AGFG2: variants seen among roughly 807,000 people sequenced by gnomAD.
AGFG2 encodes ArfGAP with FG repeats 2.
In AGFG2, 31 loss-of-function variants were observed where a neutral mutation model predicts 48.0. The observed-to-expected ratio is 0.65, with a 90% CI of 0.49 to 0.87. The LOEUF (loss-of-function observed/expected upper bound fraction) is 0.87. Among genes scored for constraint, AGFG2 ranks in the 40% least tolerant of loss-of-function variants. The probability of loss-of-function intolerance (pLI) is 0.00; values close to 1 mark genes in which losing one functional copy is unlikely to be tolerated. For missense variants in AGFG2, 599 were observed against 632.6 expected (o/e 0.95, Z 0.57); for synonymous variants, 229 against 260.8 (o/e 0.88, Z 1.18).
chr7:100,548,915 G>T lies in AGFG2; in HGVS notation c.315G>T (p.Glu105Asp). The T allele has an allele frequency of 6.2e-7, 1 of 1,612,736 alleles. No homozygotes were observed. Among genetic ancestry groups the T allele is most frequent in the South Asian group, 1.1e-5 (1 of 91,048 alleles). ...TATTCCTGCAATCCCGTGGAAATGA[G>T]GTGAGCTGCCACCGATGGAGTGGTG... ...EVVFLQSRGN[E>D]VCRKIWLGLF... is the part of the protein sequence containing the mutation. The change falls in exon 2 of 12, where the codon GAG (glutamate) becomes GAT (aspartate). Residue 105 changes from glutamate (E) to aspartate (D), a missense_variant and splice_region_variant. Physicochemically the swap from Glu to Asp is conservative, Grantham distance 45. Transcript: ENST00000300176.
intron 1 of AGFG2, among the ~76,000 whole-genome samples, chr7:100,547,211 T>C (rs1800529355): frequency 1.4e-5 from 2 of 146,788 alleles, no homozygotes; most frequent in Non-Finnish European, 3.0e-5. Flanking sequence ...GCTGCTGTTC[T>C]CCCAGACTTG....
rs1422549146 is a variant in AGFG2 at position 100,567,078 on chromosome 7, T to G, written c.*2087T>G. The G allele has an allele frequency of 6.5e-6, 1 of 152,942 alleles. No individual in the cohort carries two copies. Among genetic ancestry groups the G allele is most frequent in the East Asian group, 1.9e-4 (1 of 5,200 alleles). The allele number at this position is 152,942 out of a possible 1,614,324, so 9.5% of individuals were successfully genotyped here. A position where few individuals can be genotyped will look rare whatever the true frequency, so the allele number is the denominator to read the frequency against. On this transcript the variant is annotated 3_prime_UTR_variant, in exon 12 of 12. Transcript: ENST00000300176. ...TCTGGGTCCAGGCCCGGGTCCTCCC[T>G]GCAGACTCCCTCCCCTCCAGCCCAC...
intron 10 of AGFG2, 115 bp downstream of exon 10, chr7:100,564,077 G>A (rs1010359789): frequency 3.9e-5 from 60 of 1,555,466 alleles, no homozygotes; most frequent in Middle Eastern, 2.3e-4. Flanking sequence ...GACCAGCAGG[G>A]GGGACCAGGG....
chr7:100,539,874 G>C (rs1800390054), intron 1 of AGFG2, among the ~76,000 whole-genome samples: 1 of 152,100 alleles, frequency 6.6e-6, no homozygotes, highest in Non-Finnish European at 1.5e-5. Context: ...TGGGGAGGGA[G>C]AAAGTGCGGA....
intron 1 of AGFG2, among the ~76,000 whole-genome samples, chr7:100,542,715 C>T (rs1488306161): frequency 6.6e-6 from 1 of 152,142 alleles, no homozygotes; most frequent in African/African-American, 2.4e-5. Context: ...GGCATGGCTC[C>T]ATGGTGGCAC....
At chr7:100,553,676 G>A (rs1352086434) in intron 4 of AGFG2, among the ~76,000 whole-genome samples, 176 bp downstream of exon 4, 2 of 152,136 alleles carry the variant, frequency 1.3e-5, no homozygotes, top group Non-Finnish European at 2.9e-5. Context: ...CATATCTTTT[G>A]GAAGTCAGAA....
At chr7:100,563,689 A>G in intron 9 of AGFG2, 145 bp from the exon 10 acceptor site, 1 of 1,223,206 alleles carries the variant, frequency 8.2e-7, no homozygotes, top group Non-Finnish European at 1.1e-6. Flanking sequence ...TGTGAGAAGC[A>G]GAAGAGTTCC....
intron 6 of AGFG2, among the ~76,000 whole-genome samples, chr7:100,560,857 G>C (rs1379283951): frequency 2.1e-5 from 3 of 142,826 alleles, no homozygotes; most frequent in African/African-American, 8.1e-5. Flanking sequence ...TGTCGCCCAG[G>C]CTGGAGTGCA....
intron 5 of AGFG2, among the ~76,000 whole-genome samples, chr7:100,554,877 G>A (rs1800725130): frequency 1.4e-5 from 2 of 146,244 alleles, no homozygotes; most frequent in Admixed American, 1.4e-4. Flanking sequence ...GGTGGAGGTT[G>A]CAGTGAATCA....
In AGFG2 at chr7:100,547,927, A is replaced by G. The variant is rs533489199; in HGVS notation, c.222-895A>G. 1.1e-3 allele frequency among the ~76,000 whole-genome samples: 175 copies of G among 152,308 alleles called. 1 individual carries two copies. The highest frequency in any genetic ancestry group is 1.7e-3 in the Non-Finnish European group (118 of 68,026). ...CACCACTCCACCCTTCTTTGTAGAC[A>G]CAAGGAGGACCAGCTGGGCTAGAGA... On this transcript the variant is annotated intron_variant, in intron 1 of 11. Transcript: ENST00000300176.
chr7:100,555,229 A>G lies in AGFG2; in HGVS notation c.752-381A>G, dbSNP rs527334123. 8.4e-5 allele frequency among the ~76,000 whole-genome samples: 12 copies of G among 143,572 alleles called. No individual in the cohort carries two copies. In the East Asian group the frequency reaches 2.4e-3, roughly 29 times the overall value. The allele number at this position is 143,572 out of a possible 152,430, so 94.2% of individuals were successfully genotyped here. A position where few individuals can be genotyped will look rare whatever the true frequency, so the allele number is the denominator to read the frequency against. On this transcript the variant is annotated intron_variant, in intron 5 of 11. Transcript: ENST00000300176. Reference sequence around the variant, plus strand: ...AGCTATATTACATGGATAGGCATATACATTTTCTTTTCTTTTTCTGTTGTG... The same window carrying G: ...AGCTATATTACATGGATAGGCATATGCATTTTCTTTTCTTTTTCTGTTGTG...
intron 10 of AGFG2, 47 bp from the exon 11 acceptor site, chr7:100,564,171 C>A (rs764941516): frequency 6.3e-7 from 1 of 1,586,312 alleles, no homozygotes; most frequent in Admixed American, 1.8e-5. Context: ...TGTCCGCCTG[C>A]AGGAAGGCAG....
chr7:100,539,901 G>A (rs542529711), intron 1 of AGFG2, among the ~76,000 whole-genome samples: 59 of 152,186 alleles, frequency 3.9e-4, no homozygotes, highest in African/African-American at 1.3e-3. Flanking sequence ...AAGGGAACTC[G>A]GAGTGGGATG....
rs1309670495 is a variant in AGFG2, at chr7:100,562,397, G to T, written c.998+18G>T. The stretch of plus-strand genomic sequence containing the variant: ...CCTAGCAGGTAGGTACAGACAGTGG[G>T]CAGTCTGCTGTAGGGCAGGAGAGCC... On this transcript the variant is annotated intron_variant, in intron 7 of 11. Transcript: ENST00000300176. This position sits in a 1 kb window ranked among gnomAD's most constrained non-coding sequence, Gnocchi z 5.4. 6.2e-7 allele frequency: 1 copy of T among 1,612,650 alleles called. No individual in the cohort carries two copies. Among genetic ancestry groups the T allele is most frequent in the African/African-American group, 1.3e-5 (1 of 74,904 alleles).
At chr7:100,561,415 C>T (rs1345849658) in intron 6 of AGFG2, among the ~76,000 whole-genome samples, 1 of 152,226 alleles carries the variant, frequency 6.6e-6, no homozygotes, top group Non-Finnish European at 1.5e-5. Flanking sequence ...GCATGAACTG[C>T]CGCGTCCTGT....
At position 100,539,337 on chromosome 7, in the gene AGFG2, G is replaced by C; in HGVS notation, c.-10G>C. The C allele has an allele frequency of 7.9e-7, 1 of 1,271,930 alleles. No individual in the cohort carries two copies. The highest frequency in any genetic ancestry group is 9.9e-7 in the Non-Finnish European group (1 of 1,005,058). The allele number at this position is 1,271,930 out of a possible 1,614,324, so 78.8% of individuals were successfully genotyped here. A position where few individuals can be genotyped will look rare whatever the true frequency, so the allele number is the denominator to read the frequency against. Reference sequence around the variant, plus strand: ...GTGATTGCTGACTAGCGGGGAGGGAGTGGGCAGCGATGGTGATGGCGGCGA... The same window carrying C: ...GTGATTGCTGACTAGCGGGGAGGGACTGGGCAGCGATGGTGATGGCGGCGA... On this transcript the variant is annotated 5_prime_UTR_variant, in exon 1 of 12. Transcript: ENST00000300176.
chr7:100,545,437 C>G (rs963315573), intron 1 of AGFG2, among the ~76,000 whole-genome samples: 3 of 152,124 alleles, frequency 2.0e-5, no homozygotes, highest in African/African-American at 7.2e-5. Context: ...CAGTTGTTAG[C>G]AGCTACACAT....
intron 6 of AGFG2, among the ~76,000 whole-genome samples, chr7:100,559,001 G>A (rs1207251722): frequency 6.6e-6 from 1 of 152,084 alleles, no homozygotes; most frequent in Non-Finnish European, 1.5e-5. Context: ...AGGCATGGTG[G>A]TGCGTGACTG....
intron 6 of AGFG2, among the ~76,000 whole-genome samples, chr7:100,558,547 T>G (rs1800803605): frequency 8.1e-6 from 1 of 122,950 alleles, no homozygotes; most frequent in Non-Finnish European, 1.7e-5. Context: ...TTGTTTTTGT[T>G]TTTTTTTTTT....
Sources: allele counts gnomAD v4.1 joint callset (sites outside exome capture counted in the v4.1 genomes callset), GRCh38; gene constraint gnomAD v4.1.1; non-coding constraint Gnocchi (gnomAD v3.1); transcripts MANE v1.5; gene names NCBI Gene and HGNC (gene_info 2026-07-23, HGNC 2026-07-21).